ZMIZ1: variants seen among roughly 807,000 people sequenced by gnomAD.
ZMIZ1 encodes the protein zinc finger MIZ-type containing 1.
Under a neutral mutation model 113.9 loss-of-function variants are expected in ZMIZ1, and 17 were observed. The ratio of observed to expected loss-of-function variants is 0.15; its 90% confidence interval spans 0.10 to 0.22. The LOEUF is 0.22. Among genes scored for constraint, ZMIZ1 ranks in the 10% least tolerant of loss-of-function variants. The pLI, the probability that ZMIZ1 is intolerant of heterozygous loss-of-function variation, is 1.00. For missense variants in ZMIZ1, 1,059 were observed against 1,477.8 expected (o/e 0.72, Z 4.65); for synonymous variants, 607 against 603.1 (o/e 1.01, Z -0.09).
chr10:79,183,382 A>G (rs1041277890), intron 4 of ZMIZ1, among the ~76,000 whole-genome samples: 4 of 148,132 alleles, frequency 2.7e-5, no homozygotes, highest in Middle Eastern at 7.0e-3. Context: ...ACACACACAC[A>G]CGCACACACC....
At chr10:79,105,547 C>T (rs1269406785) in intron 1 of ZMIZ1, among the ~76,000 whole-genome samples, 1 of 152,202 alleles carries the variant, frequency 6.6e-6, no homozygotes, top group Non-Finnish European at 1.5e-5. Context: ...CGCCCCTAGT[C>T]CCCTTTAGCC....
chr10:79,305,767 T>C lies in ZMIZ1; in HGVS notation c.2423+166T>C, dbSNP rs542290791. Among the ~76,000 whole-genome samples the C allele has an allele frequency of 2.0e-5, 3 of 152,202 alleles. No individual in the cohort carries two copies. The East Asian group carries it at 5.8e-4, about 29-fold the overall frequency. On this transcript the variant is annotated intron_variant, in intron 21 of 24. Coordinates refer to ENST00000334512, the MANE Select transcript of ZMIZ1 (RefSeq NM_020338.4). Reference sequence around the variant, plus strand: ...CCTTACCCTCGGGGGCCTCTGGATCTGGGGACAAATGAACTTCCCAGAAAG... The same window carrying C: ...CCTTACCCTCGGGGGCCTCTGGATCCGGGGACAAATGAACTTCCCAGAAAG...
At chr10:79,241,417 C>G (rs1233117912) in intron 7 of ZMIZ1, among the ~76,000 whole-genome samples, 2 of 152,078 alleles carry the variant, frequency 1.3e-5, no homozygotes, top group African/African-American at 4.8e-5. Context: ...TAATAACCTA[C>G]AAGGAGATGA....
intron 4 of ZMIZ1, among the ~76,000 whole-genome samples, chr10:79,181,449 A>G (rs904299390): frequency 6.6e-6 from 1 of 152,024 alleles, no homozygotes; most frequent in Non-Finnish European, 1.5e-5. Flanking sequence ...GGCAGGAGCA[A>G]CCCCAGCACC....
chr10:79,129,117 G>T (rs149839918), intron 2 of ZMIZ1, among the ~76,000 whole-genome samples: 1 of 152,248 alleles, frequency 6.6e-6, no homozygotes, highest in Non-Finnish European at 1.5e-5. Context: ...ATCAGATGCT[G>T]TGCCGGATGC....
At chr10:79,199,262 C>T (rs1189452711) in intron 4 of ZMIZ1, among the ~76,000 whole-genome samples, 1 of 152,106 alleles carries the variant, frequency 6.6e-6, no homozygotes, top group Non-Finnish European at 1.5e-5. Flanking sequence ...AATCTCAGCA[C>T]TTTGGGAGGC....
At chr10:79,288,017 C>T (rs1477943311) in intron 8 of ZMIZ1, among the ~76,000 whole-genome samples, 1 of 152,328 alleles carries the variant, frequency 6.6e-6, no homozygotes, top group East Asian at 1.9e-4. Flanking sequence ...GGGGAGGCCC[C>T]TCCAGCGATC....
intron 1 of ZMIZ1, among the ~76,000 whole-genome samples, chr10:79,114,707 G>A (rs1421719857): frequency 6.6e-6 from 1 of 152,160 alleles, no homozygotes; most frequent in Non-Finnish European, 1.5e-5. Context: ...GCTCTGGGGG[G>A]CCCAGGGGGG....
chr10:79,225,562 AC>A (rs1380429545), intron 7 of ZMIZ1, among the ~76,000 whole-genome samples: 1 of 148,220 alleles, frequency 6.7e-6, no homozygotes, highest in Non-Finnish European at 1.5e-5. Flanking sequence ...AGACATCTCT[AC>A]AAAAAAATTT....
At position 79,200,446 on chromosome 10, in the gene ZMIZ1, C is replaced by G. The variant is rs111317243; in HGVS notation, c.-49-1138C>G. On this transcript the variant is annotated intron_variant, in intron 4 of 24. Transcript: ENST00000334512. ...AGCCGAAGGAGCTTCCTCCACTTAG[C>G]TCTGTCATCCAGAGGGAAGTCCCAT... Among the ~76,000 whole-genome samples the G allele has an allele frequency of 7.9e-4, 121 of 152,342 alleles. 3 individuals carry two copies. Among genetic ancestry groups the G allele is most frequent in the African/African-American group, 2.5e-3 (106 of 41,592 alleles).
intron 2 of ZMIZ1, among the ~76,000 whole-genome samples, chr10:79,137,616 C>T (rs1845061110): frequency 6.6e-6 from 1 of 152,244 alleles, no homozygotes; most frequent in Admixed American, 6.5e-5. Flanking sequence ...CACCAAGCTT[C>T]AGGTTCCTGC....
chr10:79,261,884 C>G (rs1310938946), intron 7 of ZMIZ1, among the ~76,000 whole-genome samples: 4 of 152,184 alleles, frequency 2.6e-5, no homozygotes, highest in Non-Finnish European at 5.9e-5. Context: ...CTGCCAAGAT[C>G]ACATAGTTCA....
chr10:79,235,851 G>C (rs1364781988), intron 7 of ZMIZ1, among the ~76,000 whole-genome samples: 1 of 152,126 alleles, frequency 6.6e-6, no homozygotes, highest in Non-Finnish European at 1.5e-5. Context: ...CGCTACAGTT[G>C]GCAGGAATAC....
intron 8 of ZMIZ1, chr10:79,285,402 AC>A (rs1444728103): frequency 2.2e-6 from 1 of 451,954 alleles, no homozygotes; most frequent in Non-Finnish European, 4.4e-6. Context: ...CTTACACTTA[AC>A]CCTCACGGCA....
intron 2 of ZMIZ1, among the ~76,000 whole-genome samples, chr10:79,124,324 G>C (rs1224042761): frequency 1.3e-5 from 2 of 152,208 alleles, no homozygotes; most frequent in Admixed American, 1.3e-4. Context: ...GGACTATCCT[G>C]TTGTACAAAT....
At chr10:79,300,232 T>G (rs1028870614) in intron 16 of ZMIZ1, among the ~76,000 whole-genome samples, 2 of 152,170 alleles carry the variant, frequency 1.3e-5, no homozygotes, top group Non-Finnish European at 2.9e-5. Flanking sequence ...CCTGGCTTGC[T>G]TGTCACACAT....
chr10:79,285,293 A>G (rs1852995025), intron 8 of ZMIZ1, among the ~76,000 whole-genome samples: 1 of 152,240 alleles, frequency 6.6e-6, no homozygotes, highest in South Asian at 2.1e-4. Context: ...CCTTGCATCT[A>G]GAAGTCACTC....
intron 2 of ZMIZ1, among the ~76,000 whole-genome samples, chr10:79,139,414 GACAACAC>G (rs1845164441): frequency 6.6e-6 from 1 of 152,214 alleles, no homozygotes; most frequent in Admixed American, 6.5e-5. Context: ...AGAAGAGAAA[GACAACAC>G]AAAGTCCCCA....
Position 79,084,254 on chromosome 10 carries a change from A to C in ZMIZ1, c.-337+14984A>C, listed in dbSNP as rs533081880. On this transcript the variant is annotated intron_variant, in intron 1 of 24. Coordinates refer to ENST00000334512, the MANE Select transcript of ZMIZ1 (RefSeq NM_020338.4). ...GGATTTCTTCTCCACTGAAAATTCTACTCCTCTCCCTCCCACACTCTATTG... is the reference window on the plus strand; with the variant it reads ...GGATTTCTTCTCCACTGAAAATTCTCCTCCTCTCCCTCCCACACTCTATTG... 4.0e-5 allele frequency among the ~76,000 whole-genome samples: 6 copies of C among 151,256 alleles called. No homozygotes were observed. In the South Asian group the frequency reaches 1.3e-3, roughly 32 times the overall value.
Sources: gnomAD v4.1 joint callset for allele counts (sites outside exome capture counted in the v4.1 genomes callset) on GRCh38, gnomAD v4.1.1 for gene constraint, MANE v1.5 for transcripts, NCBI Gene and HGNC (gene_info 2026-07-23, HGNC 2026-07-21) for gene names.